Variants in TPST2 observed in about 807,000 individuals in gnomAD.
TPST2 encodes protein-tyrosine sulfotransferase 2.
TPST2 carries 16 observed loss-of-function variants against 27.8 expected under a neutral mutation model. The observed-to-expected ratio is 0.58, with a 90% CI of 0.39 to 0.88. The LOEUF is 0.88. Ranked by LOEUF, TPST2 falls within the 40% of genes least tolerant of loss-of-function variation. The pLI, the probability that TPST2 is intolerant of heterozygous loss-of-function variation, is 0.00. For missense variants in TPST2, 464 were observed against 543.1 expected (o/e 0.85, Z 1.45); for synonymous variants, 229 against 231.7 (o/e 0.99, Z 0.10).
intron 1 of TPST2, among the ~76,000 whole-genome samples, chr22:26,558,152 CACACACACACACACAT>C (rs1191344332): frequency 6.2e-5 from 3 of 48,040 alleles, no homozygotes; most frequent in African/African-American, 1.7e-4. Context: ...CACACACACA[CACACACACACACACAT>C]ATATATGTCG....
At chr22:26,588,064 G>C (rs1304027551) in intron 1 of TPST2, among the ~76,000 whole-genome samples, 1 of 152,074 alleles carries the variant, frequency 6.6e-6, no homozygotes, top group Non-Finnish European at 1.5e-5. Flanking sequence ...ACCTGTACAT[G>C]AATGTTCATA....
At position 26,585,626 on chromosome 22, in the gene TPST2, C is replaced by A. The variant is rs1354038671; in HGVS notation, c.-161+4427G>T. 4.6e-5 allele frequency among the ~76,000 whole-genome samples: 7 copies of A among 152,130 alleles called. No individual in the cohort carries two copies. The South Asian group carries it at 1.5e-3, about 32-fold the overall frequency. ...ACCCAGAGAAGCTTCCCTGGTGCCA[C>A]GTGGGGCATCAAAGCCACACAAGCC... On this transcript the variant is annotated intron_variant, in intron 1 of 6. Coordinates refer to ENST00000338754, the MANE Select transcript of TPST2 (RefSeq NM_003595.5).
intron 2 of TPST2, among the ~76,000 whole-genome samples, chr22:26,543,699 G>C (rs1051147448): frequency 9.2e-5 from 14 of 152,230 alleles, no homozygotes; most frequent in African/African-American, 3.4e-4. Flanking sequence ...AGCTCAAAGA[G>C]ATGAAGCAGC....
At chr22:26,538,871 C>T (rs1370794898) in intron 3 of TPST2, among the ~76,000 whole-genome samples, 5 of 152,148 alleles carry the variant, frequency 3.3e-5, no homozygotes, top group African/African-American at 1.2e-4. Flanking sequence ...TGCTGGCTGC[C>T]ACTGGCAAGG....
intron 1 of TPST2, among the ~76,000 whole-genome samples, chr22:26,572,041 G>T (rs780661709): frequency 2.6e-5 from 4 of 152,098 alleles, no homozygotes; most frequent in Non-Finnish European, 5.9e-5. Context: ...GCTTAGAGGG[G>T]TGTCATGATC....
At chr22:26,553,091 CTATCAGCA>C (rs1926575250) in intron 1 of TPST2, among the ~76,000 whole-genome samples, 1 of 139,322 alleles carries the variant, frequency 7.2e-6, no homozygotes, top group African/African-American at 2.6e-5. Context: ...AAAAAAGACA[CTATCAGCA>C]GCACCTGCCC....
rs1924696705 is a variant in TPST2 at position 26,524,040 on chromosome 22, G to A, written c.*2235C>T. 6.6e-6 allele frequency: 1 copy of A among 152,072 alleles called. No individual in the cohort carries two copies. Among genetic ancestry groups the A allele is most frequent in the Non-Finnish European group, 1.5e-5 (1 of 68,032 alleles). 9.4% of individuals were successfully genotyped at this position (152,072 alleles called of 1,614,324 possible). ...CATAGCTGTCGCCAGATTCTCAAAG[G>A]GACAGTGTCACACTTAACAGAGCAA... On this transcript the variant is annotated 3_prime_UTR_variant, in exon 7 of 7. Coordinates refer to ENST00000338754, the MANE Select transcript of TPST2 (RefSeq NM_003595.5).
At chr22:26,535,363 A>G (rs920946941) in intron 4 of TPST2, among the ~76,000 whole-genome samples, 3 of 152,354 alleles carry the variant, frequency 2.0e-5, no homozygotes, top group African/African-American at 7.2e-5. Flanking sequence ...ATATTTGCCT[A>G]TAAGGAAGTT....
intron 1 of TPST2, among the ~76,000 whole-genome samples, chr22:26,580,882 C>T (rs1343243374): frequency 1.3e-5 from 2 of 152,044 alleles, no homozygotes; most frequent in Non-Finnish European, 2.9e-5. Context: ...TGATTTAGCA[C>T]TTCATACTAG....
chr22:26,528,313 C>T, intron 5 of TPST2, 51 bp from the exon 6 acceptor site: 1 of 1,549,798 alleles, frequency 6.5e-7, no homozygotes, highest in Non-Finnish European at 8.7e-7. Flanking sequence ...GTGAGGGATG[C>T]CTTGCTGTAT....
chr22:26,547,252 C>T (rs531669080), intron 1 of TPST2, among the ~76,000 whole-genome samples: 1 of 152,222 alleles, frequency 6.6e-6, no homozygotes, highest in African/African-American at 2.4e-5. Context: ...GTGCATGCCA[C>T]CATGCCTGGC....
chr22:26,529,868 T>A (rs12628209), intron 5 of TPST2, among the ~76,000 whole-genome samples: 14,828 of 148,558 alleles, frequency 0.1, 1,187 homozygotes, highest in South Asian at 0.3. Context: ...GCCTTGAATT[T>A]AAAAAAAAAA....
chr22:26,568,898 C>G (rs1927483369), intron 1 of TPST2, among the ~76,000 whole-genome samples: 1 of 131,288 alleles, frequency 7.6e-6, no homozygotes, highest in South Asian at 2.4e-4. Flanking sequence ...GGATCTCGCT[C>G]TGTCTCCCAG....
At chr22:26,558,839 G>GA (rs543021594) in intron 1 of TPST2, among the ~76,000 whole-genome samples, 63 of 152,134 alleles carry the variant, frequency 4.1e-4, no homozygotes, top group African/African-American at 1.4e-3. Flanking sequence ...TAGATCAGTG[G>GA]AAAAAAATCC....
intron 6 of TPST2, 49 bp downstream of exon 6, chr22:26,528,165 G>A (rs1011709968): frequency 4.4e-5 from 69 of 1,551,066 alleles, no homozygotes; most frequent in Non-Finnish European, 5.3e-5. Flanking sequence ...AAGTGGCTCC[G>A]GGGCCACCCA....
chr22:26,550,728 C>T (rs1203040291), intron 1 of TPST2: 3 of 865,006 alleles, frequency 3.5e-6, no homozygotes, highest in East Asian at 1.2e-4. Flanking sequence ...ACGCTGACCA[C>T]ACCAACTCCC....
intron 1 of TPST2, among the ~76,000 whole-genome samples, chr22:26,548,306 C>T (rs998921709): frequency 6.9e-6 from 1 of 144,554 alleles, no homozygotes; most frequent in Non-Finnish European, 1.5e-5. Context: ...TACAGCGAGA[C>T]CCCATCTTGA....
chr22:26,560,522 A>G (rs1438818326), intron 1 of TPST2: 2 of 824,844 alleles, frequency 2.4e-6, no homozygotes, highest in African/African-American at 1.7e-5. Flanking sequence ...AAAAATAACT[A>G]AACATGAGCA....
chr22:26,550,153 G>T (rs1680580899), intron 1 of TPST2, among the ~76,000 whole-genome samples: 1 of 152,052 alleles, frequency 6.6e-6, no homozygotes, highest in African/African-American at 2.4e-5. Flanking sequence ...ATCAATCTAA[G>T]AGATCCCCTT....
Sources: gnomAD v4.1 joint callset for allele counts (sites outside exome capture counted in the v4.1 genomes callset) on GRCh38, gnomAD v4.1.1 for gene constraint, MANE v1.5 for transcripts, NCBI Gene and HGNC (gene_info 2026-07-23, HGNC 2026-07-21) for gene names.